Variants in ALX1 observed in about 807,000 individuals in gnomAD.
ALX1 encodes ALX homeobox 1.
ALX1 carries 19 observed loss-of-function variants against 31.7 expected under a neutral mutation model. That is an observed-to-expected ratio of 0.60 (90% CI 0.42 to 0.88). ALX1 has a LOEUF of 0.88. ALX1 is among the 40% of genes least tolerant of loss of function. The probability of loss-of-function intolerance (pLI) is 0.00; values close to 1 mark genes in which losing one functional copy is unlikely to be tolerated. For synonymous variants in ALX1, 153 were observed against 148.8 expected, an observed-to-expected ratio of 1.03 and a Z score of -0.20; for missense variants, 415 against 407.8, an observed-to-expected ratio of 1.02 and a Z score of -0.15.
intron 1 of ALX1, among the ~76,000 whole-genome samples, chr12:85,282,473 A>G (rs1896688400): frequency 1.3e-5 from 2 of 152,162 alleles, no homozygotes; most frequent in Non-Finnish European, 2.9e-5. Flanking sequence ...TTAAACTTGA[A>G]TATATTTGTA....
At chr12:85,287,111 T>C in intron 3 of ALX1, 130 bp downstream of exon 3, 1 of 1,097,752 alleles carries the variant, frequency 9.1e-7, no homozygotes. Flanking sequence ...TCAGAAAACA[T>C]TCTTCATGTC....
At chr12:85,291,202 C>T (rs1896814071) in intron 3 of ALX1, among the ~76,000 whole-genome samples, 1 of 151,134 alleles carries the variant, frequency 6.6e-6, no homozygotes, top group Non-Finnish European at 1.5e-5. Flanking sequence ...AGACACTTTT[C>T]AGCTGACTTT....
At position 85,283,411 on chromosome 12, in the gene ALX1, A is replaced by G. The variant is rs115594848; in HGVS notation, c.227-161A>G. ...TTAAAATGGTATTTAAACCTGTCCT[A>G]CAATGAATTAAGTATAGAAATGTGG... On this transcript the variant is annotated intron_variant, in intron 1 of 3. Transcript: ENST00000316824. 7.8e-3 allele frequency among the ~76,000 whole-genome samples: 1,190 copies of G among 152,330 alleles called. 20 individuals carry two copies. The highest frequency in any genetic ancestry group is 0.027 in the African/African-American group (1,120 of 41,568).
At chr12:85,286,409 A>G (rs562693517) in intron 2 of ALX1, among the ~76,000 whole-genome samples, 2 of 151,990 alleles carry the variant, frequency 1.3e-5, no homozygotes, top group African/African-American at 2.4e-5. Context: ...TATTTTAAAG[A>G]TAAGTTTTAA....
At chr12:85,280,624 A>G (rs1489059356) in intron 1 of ALX1, 137 bp downstream of exon 1, 2 of 974,142 alleles carry the variant, frequency 2.1e-6, no homozygotes, top group Non-Finnish European at 3.1e-6. Context: ...AGGTAGTGGA[A>G]GGTGCTCGCT....
At position 85,284,345 on chromosome 12, in the gene ALX1, A is replaced by G. The variant is rs545842441; in HGVS notation, c.531+469A>G. 2.0e-5 allele frequency among the ~76,000 whole-genome samples: 3 copies of G among 151,452 alleles called. No homozygotes were observed. The South Asian group carries it at 6.2e-4, about 31-fold the overall frequency. ...TTTCTAGATTTGGAGGCATAATAAA[A>G]AAAAAAACAATCCCACAAATTCCCA... On this transcript the variant is annotated intron_variant, in intron 2 of 3. Transcript: ENST00000316824.
intron 3 of ALX1, 69 bp from the exon 4 acceptor site, chr12:85,301,086 A>G (rs553329788): frequency 7.6e-6 from 12 of 1,576,944 alleles, no homozygotes; most frequent in Middle Eastern, 1.7e-4. Context: ...AGTAAATACA[A>G]CTTAACAAAA....
intron 3 of ALX1, among the ~76,000 whole-genome samples, chr12:85,294,733 A>T (rs781041761): frequency 2.0e-5 from 3 of 150,796 alleles, no homozygotes; most frequent in Non-Finnish European, 4.5e-5. Flanking sequence ...TCTGCTAAGC[A>T]GTTTTCCTCT....
chr12:85,285,447 A>T (rs1260379255), intron 2 of ALX1, among the ~76,000 whole-genome samples: 2 of 151,938 alleles, frequency 1.3e-5, no homozygotes, highest in Non-Finnish European at 2.9e-5. Flanking sequence ...AGAAAATTTG[A>T]TTTGTTTTTT....
intron 3 of ALX1, among the ~76,000 whole-genome samples, chr12:85,298,956 A>G (rs1896924867): frequency 6.6e-6 from 1 of 150,934 alleles, no homozygotes; most frequent in South Asian, 2.1e-4. Context: ...TCTATAGGTT[A>G]CCTCCCTTGC....
intron 3 of ALX1, among the ~76,000 whole-genome samples, chr12:85,291,942 T>C (rs535426138): frequency 1.3e-5 from 2 of 151,224 alleles, no homozygotes; most frequent in East Asian, 3.9e-4. Context: ...CTTTGGCAAA[T>C]GAATTTACCA....
In ALX1 at chr12:85,301,760, TTA is replaced by T. The variant is rs1896970940; in HGVS notation, c.*286_*287del. The stretch of plus-strand genomic sequence containing the variant: ...CAATGAAATATGATCACGCAACTTA[TTA>T]AAGAATAAATGTGTTAAACAAATTC... On this transcript the variant is annotated 3_prime_UTR_variant, in exon 4 of 4. Coordinates refer to ENST00000316824, the MANE Select transcript of ALX1 (RefSeq NM_006982.3). 3 of 416,728 alleles carry T rather than the reference TTA, an allele frequency of 7.2e-6. No homozygotes were observed. Among genetic ancestry groups the T allele is most frequent in the African/African-American group, 6.1e-5 (3 of 49,528 alleles). The allele number at this position is 416,728 out of a possible 1,614,324, so 25.8% of individuals were successfully genotyped here. A position where few individuals can be genotyped will look rare whatever the true frequency, so the allele number is the denominator to read the frequency against.
chr12:85,288,448 T>C (rs969195628), intron 3 of ALX1, among the ~76,000 whole-genome samples: 1 of 151,540 alleles, frequency 6.6e-6, no homozygotes, highest in Non-Finnish European at 1.5e-5. Context: ...AAATTTTGTT[T>C]GCCAAATATT....
chr12:85,284,898 C>T (rs563176102), intron 2 of ALX1, among the ~76,000 whole-genome samples: 244 of 151,994 alleles, frequency 1.6e-3, no homozygotes, highest in African/African-American at 5.5e-3. Flanking sequence ...AATCGAGTAA[C>T]GGTATTTCTT....
chr12:85,288,937 T>C (rs921056145), intron 3 of ALX1, among the ~76,000 whole-genome samples: 2 of 151,460 alleles, frequency 1.3e-5, no homozygotes, highest in African/African-American at 2.4e-5. Flanking sequence ...GAATGGTTTA[T>C]ATCATTTTGA....
chr12:85,298,032 A>G (rs1005376972), intron 3 of ALX1, among the ~76,000 whole-genome samples: 1 of 151,780 alleles, frequency 6.6e-6, no homozygotes, highest in Admixed American at 6.6e-5. Context: ...CTTGTACCAC[A>G]TTAGACCTGA....
intron 3 of ALX1, among the ~76,000 whole-genome samples, chr12:85,298,089 A>G (rs1423399113): frequency 6.6e-6 from 1 of 151,682 alleles, no homozygotes; most frequent in Non-Finnish European, 1.5e-5. Context: ...TTTCTTTCAG[A>G]GAGTAGAGAC....
chr12:85,288,532 C>A (rs7486483), intron 3 of ALX1, among the ~76,000 whole-genome samples: 1 of 151,140 alleles, frequency 6.6e-6, no homozygotes, highest in African/African-American at 2.4e-5. Context: ...CTGTAAAAAT[C>A]TTTCCCCTCT....
chr12:85,283,915 A>C (rs1219818895), intron 2 of ALX1, 39 bp downstream of exon 2: 9 of 1,600,040 alleles, frequency 5.6e-6, no homozygotes, highest in Non-Finnish European at 7.7e-6. Context: ...TGGGATAGGA[A>C]AATAAATGGT....
Sources: allele counts gnomAD v4.1 joint callset (sites outside exome capture counted in the v4.1 genomes callset), GRCh38; gene constraint gnomAD v4.1.1; transcripts MANE v1.5; gene names NCBI Gene and HGNC (gene_info 2026-07-23, HGNC 2026-07-21).